The following NALF1 variants were observed in gnomAD, a reference collection of about 807,000 sequenced individuals.
NALF1 encodes the protein family with sequence similarity 155 member A.
In NALF1, 3 loss-of-function variants were observed where a neutral mutation model predicts 48.4. That is an observed-to-expected ratio of 0.06 (90% CI 0.03 to 0.16). The LOEUF (loss-of-function observed/expected upper bound fraction) is 0.16. Ranked by LOEUF, NALF1 falls within the 10% of genes least tolerant of loss-of-function variation. The pLI, the probability that NALF1 is intolerant of heterozygous loss-of-function variation, is 1.00. For synonymous variants in NALF1, 262 were observed against 245.7 expected (o/e 1.07, Z -0.62); for missense variants, 526 against 571.5 (o/e 0.92, Z 0.81).
At chr13:107,481,387 G>A (rs1319480168) in intron 1 of NALF1, among the ~76,000 whole-genome samples, 1 of 152,088 alleles carries the variant, frequency 6.6e-6, no homozygotes, top group Non-Finnish European at 1.5e-5. Context: ...TGACTTAATA[G>A]TCTAAAATTC....
At chr13:107,572,496 C>G (rs1157116207) in intron 1 of NALF1, among the ~76,000 whole-genome samples, 1 of 152,142 alleles carries the variant, frequency 6.6e-6, no homozygotes, top group Non-Finnish European at 1.5e-5. Flanking sequence ...AAAATGGTGG[C>G]AGTCTGTCTG....
At chr13:107,685,052 C>T (rs902063880) in intron 1 of NALF1, among the ~76,000 whole-genome samples, 5 of 152,298 alleles carry the variant, frequency 3.3e-5, no homozygotes, top group East Asian at 3.9e-4. Context: ...CAGTGGCTCA[C>T]GCCTGTAATC....
At chr13:107,542,592 T>C (rs189077431) in intron 1 of NALF1, among the ~76,000 whole-genome samples, 1 of 152,274 alleles carries the variant, frequency 6.6e-6, no homozygotes, top group East Asian at 1.9e-4. Context: ...TCAATATCAG[T>C]ATCTCCACTC....
At position 107,255,100 on chromosome 13, in the gene NALF1, A is replaced by G. The variant is rs1311736354; in HGVS notation, c.916-44345T>C. On this transcript the variant is annotated intron_variant, in intron 1 of 2. Coordinates refer to ENST00000375915, the MANE Select transcript of NALF1 (RefSeq NM_001080396.3). ...TAGAAAAAAGGATCATAAGTGGTACATGGGAAACATGTGTCCATTTCACTT... is the reference window on the plus strand; with the variant it reads ...TAGAAAAAAGGATCATAAGTGGTACGTGGGAAACATGTGTCCATTTCACTT... Among the ~76,000 whole-genome samples the G allele has an allele frequency of 4.6e-5, 7 of 152,218 alleles. No individual in the cohort carries two copies. In the East Asian group the frequency reaches 1.4e-3, roughly 29 times the overall value.
chr13:107,689,721 T>C (rs994603916), intron 1 of NALF1, among the ~76,000 whole-genome samples: 2 of 152,328 alleles, frequency 1.3e-5, no homozygotes, highest in South Asian at 2.1e-4. Flanking sequence ...ACGTTTTTCT[T>C]CTAGAAAAAG....
chr13:107,582,144 G>A lies in NALF1; in HGVS notation c.915+283538C>T, dbSNP rs568744815. 1.4e-4 allele frequency among the ~76,000 whole-genome samples: 21 copies of A among 152,218 alleles called. No homozygotes were observed. The East Asian group carries it at 3.9e-3, about 28-fold the overall frequency. On this transcript the variant is annotated intron_variant, in intron 1 of 2. Coordinates refer to ENST00000375915, the MANE Select transcript of NALF1 (RefSeq NM_001080396.3). The stretch of plus-strand genomic sequence containing the variant: ...CAAAAATAATGAGAAAGATAATTTT[G>A]TTGACTCATGGTGCCTAAATTACCA...
intron 1 of NALF1, among the ~76,000 whole-genome samples, chr13:107,854,053 T>C (rs1261242684): frequency 6.6e-6 from 1 of 152,240 alleles, no homozygotes; most frequent in Admixed American, 6.5e-5. Context: ...GAAGCAAAAC[T>C]ATGCAGATAG....
At chr13:107,758,955 T>C (rs184290125) in intron 1 of NALF1, among the ~76,000 whole-genome samples, 9 of 152,188 alleles carry the variant, frequency 5.9e-5, no homozygotes, top group Admixed American at 5.2e-4. Context: ...AGCTAGATGA[T>C]CTAAGCTGAA....
chr13:107,186,508 C>T (rs1026506433), intron 2 of NALF1, among the ~76,000 whole-genome samples: 1 of 152,178 alleles, frequency 6.6e-6, no homozygotes, highest in Admixed American at 6.5e-5. Context: ...GCTGGGACTA[C>T]AGGTGCGTGC....
chr13:107,615,885 T>C (rs1043730789), intron 1 of NALF1, among the ~76,000 whole-genome samples: 3 of 151,282 alleles, frequency 2.0e-5, no homozygotes, highest in African/African-American at 7.4e-5. Flanking sequence ...GGCATGAGTG[T>C]AAGTCTTAAC....
At chr13:107,331,520 T>C (rs1409953032) in intron 1 of NALF1, among the ~76,000 whole-genome samples, 1 of 152,196 alleles carries the variant, frequency 6.6e-6, no homozygotes, top group Non-Finnish European at 1.5e-5. Context: ...AAAGGAATTG[T>C]GGTTTTTACC....
chr13:107,293,764 A>C (rs1881674952), intron 1 of NALF1, among the ~76,000 whole-genome samples: 1 of 152,220 alleles, frequency 6.6e-6, no homozygotes, highest in Non-Finnish European at 1.5e-5. Flanking sequence ...TACATTTGCA[A>C]GAAGTACCTT....
chr13:107,421,118 C>T (rs538944667), intron 1 of NALF1, among the ~76,000 whole-genome samples: 8 of 152,216 alleles, frequency 5.3e-5, no homozygotes, highest in South Asian at 2.1e-4. Flanking sequence ...ATACTGACTT[C>T]GGGGCAAGGC....
intron 1 of NALF1, among the ~76,000 whole-genome samples, chr13:107,564,565 T>G (rs1877740952): frequency 6.6e-6 from 1 of 152,184 alleles, no homozygotes; most frequent in Non-Finnish European, 1.5e-5. Flanking sequence ...TGGAGTTTTA[T>G]TCTTGGAGGC....
intron 1 of NALF1, among the ~76,000 whole-genome samples, chr13:107,674,609 G>A (rs1366734274): frequency 6.6e-6 from 1 of 152,158 alleles, no homozygotes; most frequent in African/African-American, 2.4e-5. Flanking sequence ...TCCTCAAGGG[G>A]CTGAGACTCC....
rs551048203 is a variant in NALF1 at position 107,240,188 on chromosome 13, G to C, written c.916-29433C>G. On this transcript the variant is annotated intron_variant, in intron 1 of 2. Transcript: ENST00000375915. ...TGTTTGGAGATGGGATTTTTAAAGA[G>C]GTAGTTAATTTAAAATTCTCCCATA... 4.6e-5 allele frequency among the ~76,000 whole-genome samples: 7 copies of C among 152,230 alleles called. No homozygotes were observed. The South Asian group carries it at 1.2e-3, about 27-fold the overall frequency.
At chr13:107,251,992 A>G (rs545103202) in intron 1 of NALF1, among the ~76,000 whole-genome samples, 1 of 152,296 alleles carries the variant, frequency 6.6e-6, no homozygotes, top group East Asian at 1.9e-4. Context: ...CCTCCTTCCT[A>G]AAACCAAAAA....
chr13:107,745,020 C>A (rs1401338068), intron 1 of NALF1, among the ~76,000 whole-genome samples: 1 of 152,116 alleles, frequency 6.6e-6, no homozygotes, highest in East Asian at 1.9e-4. Flanking sequence ...AGTATCAACA[C>A]GAAAGTTAGA....
At chr13:107,469,026 A>G (rs1208011998) in intron 1 of NALF1, among the ~76,000 whole-genome samples, 1 of 152,152 alleles carries the variant, frequency 6.6e-6, no homozygotes, top group African/African-American at 2.4e-5. Context: ...ATGAACTTTA[A>G]TATTTTCCAA....
Sources: allele counts gnomAD v4.1 joint callset (sites outside exome capture counted in the v4.1 genomes callset), GRCh38; gene constraint gnomAD v4.1.1; transcripts MANE v1.5; gene names NCBI Gene and HGNC (gene_info 2026-07-23, HGNC 2026-07-21).